ILRUN: variants seen among roughly 807,000 people sequenced by gnomAD.
ILRUN encodes the protein inflammation and lipid regulator with UBA-like and NBR1-like domains, also known as protein ILRUN.
Under a neutral mutation model 33.8 loss-of-function variants are expected in ILRUN, and 3 were observed. The ratio of observed to expected loss-of-function variants is 0.09; its 90% CI spans 0.04 to 0.23. ILRUN has a LOEUF of 0.23. Ranked by LOEUF, ILRUN falls within the 10% of genes least tolerant of loss-of-function variation. ILRUN has a pLI of 1.00. For synonymous variants in ILRUN, 124 were observed against 138.9 expected (o/e 0.89, Z 0.75); for missense variants, 210 against 375.1 (o/e 0.56, Z 3.64).
intron 3 of ILRUN, among the ~76,000 whole-genome samples, chr6:34,625,100 T>C (rs1562007287): frequency 6.6e-6 from 1 of 152,352 alleles, no homozygotes; most frequent in East Asian, 1.9e-4. Context: ...TCTTTAGTCA[T>C]CAAATTCACT....
At chr6:34,683,473 C>CACATATATATATACATATATATAT (rs1477167895) in intron 1 of ILRUN, among the ~76,000 whole-genome samples, 1 of 97,844 alleles carries the variant, frequency 1.0e-5, no homozygotes, top group Non-Finnish European at 1.9e-5. Context: ...CATATATATA[C>CACATATATATATACATATATATAT]ACATATATAT....
chr6:34,690,009 T>G (rs918404594), intron 1 of ILRUN, among the ~76,000 whole-genome samples: 5 of 152,046 alleles, frequency 3.3e-5, no homozygotes, highest in Non-Finnish European at 7.4e-5. Context: ...TATATGCTAT[T>G]AAAAGATATT....
intron 3 of ILRUN, among the ~76,000 whole-genome samples, chr6:34,632,713 C>A (rs1003768796): frequency 1.3e-5 from 2 of 150,204 alleles, no homozygotes; most frequent in Admixed American, 1.3e-4. Flanking sequence ...TTAGTAGAGA[C>A]GGGGTTTCAC....
rs936554948 is a variant in ILRUN at position 34,641,094 on chromosome 6, A to C, written c.511+5507T>G. Among the ~76,000 whole-genome samples, 8 of 151,708 alleles carry C rather than the reference A, an allele frequency of 5.3e-5. No individual in the cohort carries two copies. In the South Asian group the frequency reaches 1.2e-3, roughly 24 times the overall value. The stretch of plus-strand genomic sequence containing the variant: ...ACTCCATCTCAAAAAAAAAAAAAAA[A>C]AAACAAATTATAGAAACAACCACCC... On this transcript the variant is annotated intron_variant, in intron 3 of 4. Transcript: ENST00000374023.
At chr6:34,619,099 C>G (rs1430610467) in intron 3 of ILRUN, among the ~76,000 whole-genome samples, 1 of 152,034 alleles carries the variant, frequency 6.6e-6, no homozygotes, top group Non-Finnish European at 1.5e-5. Context: ...GGATAGACAG[C>G]TACATAGAAT....
chr6:34,611,686 C>A (rs925511890), intron 3 of ILRUN, among the ~76,000 whole-genome samples: 2 of 152,048 alleles, frequency 1.3e-5, no homozygotes, highest in Non-Finnish European at 2.9e-5. Flanking sequence ...TAGCCAGATA[C>A]TTTACCATCT....
intron 3 of ILRUN, among the ~76,000 whole-genome samples, chr6:34,607,690 T>C (rs1444890842): frequency 6.6e-6 from 1 of 152,182 alleles, no homozygotes; most frequent in Non-Finnish European, 1.5e-5. Context: ...CTAGGCTATA[T>C]GGTATAGCCT....
chr6:34,679,589 G>C (rs1343927840), intron 1 of ILRUN, among the ~76,000 whole-genome samples: 3 of 152,126 alleles, frequency 2.0e-5, no homozygotes, highest in Admixed American at 6.5e-5. Flanking sequence ...TATTAAGACT[G>C]GGAAAATGGT....
chr6:34,666,421 C>A (rs934766205), intron 1 of ILRUN, among the ~76,000 whole-genome samples: 1 of 152,020 alleles, frequency 6.6e-6, no homozygotes, highest in Non-Finnish European at 1.5e-5. Flanking sequence ...ATTAGCCAGG[C>A]GTGGTGTTGC....
chr6:34,652,627 T>C (rs1017192414), intron 2 of ILRUN, among the ~76,000 whole-genome samples: 1 of 152,202 alleles, frequency 6.6e-6, no homozygotes, highest in African/African-American at 2.4e-5. Flanking sequence ...AAAGGTCACT[T>C]TTATAGGTTT....
intron 1 of ILRUN, among the ~76,000 whole-genome samples, chr6:34,687,524 G>A (rs1463578621): frequency 1.3e-5 from 2 of 151,426 alleles, no homozygotes; most frequent in African/African-American, 2.4e-5. Flanking sequence ...GTGAAACCCC[G>A]TCTCTACTAA....
chr6:34,641,815 CA>C (rs1762480333), intron 3 of ILRUN, among the ~76,000 whole-genome samples: 1 of 151,482 alleles, frequency 6.6e-6, no homozygotes, highest in South Asian at 2.1e-4. Context: ...GGCTAGTATA[CA>C]AAGCATCTTC....
intron 3 of ILRUN, among the ~76,000 whole-genome samples, chr6:34,642,167 G>A (rs1323008544): frequency 6.6e-6 from 1 of 152,180 alleles, no homozygotes; most frequent in African/African-American, 2.4e-5. Flanking sequence ...GTTTACAAAT[G>A]GATAACCTGT....
intron 1 of ILRUN, among the ~76,000 whole-genome samples, chr6:34,689,082 T>C (rs1763591236): frequency 6.6e-6 from 1 of 152,174 alleles, no homozygotes; most frequent in Non-Finnish European, 1.5e-5. Flanking sequence ...TAAAGTTTCA[T>C]TTTGGGGTTA....
At chr6:34,693,527 A>G (rs1184946572) in intron 1 of ILRUN, among the ~76,000 whole-genome samples, 1 of 151,950 alleles carries the variant, frequency 6.6e-6, no homozygotes, top group African/African-American at 2.4e-5. Context: ...GGCCCAGAAC[A>G]CATTTTCTTA....
intron 3 of ILRUN, among the ~76,000 whole-genome samples, chr6:34,643,223 C>T (rs60917185): frequency 0.25 from 37,156 of 150,808 alleles, 4,609 homozygotes; most frequent in East Asian, 0.33. Context: ...CACTTGAACC[C>T]AGGAGGTGGA....
chr6:34,683,485 T>TACATATATATACATATATATAC (rs1562033138), intron 1 of ILRUN, among the ~76,000 whole-genome samples: 30 of 110,090 alleles, frequency 2.7e-4, no homozygotes, highest in Admixed American at 2.0e-3. Context: ...CATATATATA[T>TACATATATATACATATATATAC]ACATATATAT....
At chr6:34,676,323 T>C (rs1187972272) in intron 1 of ILRUN, among the ~76,000 whole-genome samples, 1 of 151,694 alleles carries the variant, frequency 6.6e-6, no homozygotes, top group Non-Finnish European at 1.5e-5. Context: ...AATTTGAGTC[T>C]GGGAGGTTGA....
chr6:34,619,161 C>T (rs143659200), intron 3 of ILRUN, among the ~76,000 whole-genome samples: 5 of 151,950 alleles, frequency 3.3e-5, no homozygotes, highest in Admixed American at 1.3e-4. Flanking sequence ...GGTACATTTG[C>T]GAAGAAGTTT....
Sources: gnomAD v4.1 joint callset for allele counts (sites outside exome capture counted in the v4.1 genomes callset) on GRCh38, gnomAD v4.1.1 for gene constraint, MANE v1.5 for transcripts, NCBI Gene and HGNC (gene_info 2026-07-23, HGNC 2026-07-21) for gene names.